MTCL1: variants seen among roughly 807,000 people sequenced by gnomAD.
The protein encoded by MTCL1 is microtubule cross-linking factor 1.
Under a neutral mutation model 141.4 loss-of-function variants are expected in MTCL1, and 79 were observed. The observed-to-expected ratio is 0.56, with a 90% CI of 0.47 to 0.67. The LOEUF is 0.67. MTCL1 is among the 30% of genes least tolerant of loss of function. The pLI, the probability that MTCL1 is intolerant of heterozygous loss-of-function variation, is 0.00. For synonymous variants in MTCL1, 914 were observed against 875.8 expected (o/e 1.04, Z -0.77); for missense variants, 2,177 against 2,113.9 (o/e 1.03, Z -0.59).
intron 4 of MTCL1, among the ~76,000 whole-genome samples, chr18:8,770,636 A>G (rs2096481608): frequency 6.6e-6 from 1 of 151,568 alleles, no homozygotes; most frequent in Non-Finnish European, 1.5e-5. Context: ...TCCACATAGG[A>G]ATTTGGGGAG....
At position 8,811,905 on chromosome 18, in the gene MTCL1, T is replaced by C. The variant is rs2076500714; in HGVS notation, c.2605-1074T>C. On this transcript the variant is annotated intron_variant, in intron 11 of 16. Transcript: ENST00000359865. The stretch of plus-strand genomic sequence containing the variant: ...AACGAGACACTGAACAGCAAGCTGT[T>C]GTGCAGTTTTAGTGTTTGCCCTAGG... 2.0e-5 allele frequency among the ~76,000 whole-genome samples: 3 copies of C among 152,260 alleles called. No homozygotes were observed. The South Asian group carries it at 6.2e-4, about 31-fold the overall frequency.
At chr18:8,765,330 GA>G (rs1378256333) in intron 4 of MTCL1, among the ~76,000 whole-genome samples, 1 of 152,232 alleles carries the variant, frequency 6.6e-6, no homozygotes, top group South Asian at 2.1e-4. Flanking sequence ...CTGCCCCAGT[GA>G]GCCCAAGGGG....
intron 4 of MTCL1, among the ~76,000 whole-genome samples, chr18:8,741,208 T>A (rs990196688): frequency 2.6e-5 from 4 of 152,190 alleles, no homozygotes; most frequent in Non-Finnish European, 5.9e-5. Context: ...TGAAGTTAGA[T>A]GTCTGGACTG....
intron 4 of MTCL1, among the ~76,000 whole-genome samples, chr18:8,763,387 C>G (rs561247345): frequency 3.3e-5 from 5 of 152,354 alleles, no homozygotes; most frequent in African/African-American, 1.2e-4. Flanking sequence ...AGAACAGAAT[C>G]TAAGTCTCTC....
At chr18:8,786,376 T>A in intron 7 of MTCL1, 1 of 641,598 alleles carries the variant, frequency 1.6e-6, no homozygotes, top group Non-Finnish European at 2.9e-6. Flanking sequence ...GGAAGTAGGC[T>A]GATTGGTGAG....
rs144941070 is a variant in MTCL1, at chr18:8,807,261, G to A, written c.2604+201G>A. 3.9e-5 allele frequency among the ~76,000 whole-genome samples: 6 copies of A among 152,184 alleles called. No individual in the cohort carries two copies. In the East Asian group the frequency reaches 5.8e-4, roughly 15 times the overall value. ...GTCCCCTCTCCCAAGTATGCAGTAC[G>A]GCCCCCACCAAGCAGCATTTTCAGA... is the stretch of plus-strand genomic sequence containing the variant. On this transcript the variant is annotated intron_variant, in intron 11 of 16. Coordinates refer to ENST00000359865, the Ensembl canonical transcript of MTCL1.
chr18:8,761,731 GAA>G (rs1045970185), intron 4 of MTCL1, among the ~76,000 whole-genome samples: 3 of 151,920 alleles, frequency 2.0e-5, no homozygotes, highest in Non-Finnish European at 4.4e-5. Flanking sequence ...GCAGACAAGA[GAA>G]GAGAGCTTGT....
At chr18:8,771,515 A>G (rs893557067) in intron 4 of MTCL1, among the ~76,000 whole-genome samples, 2 of 152,132 alleles carry the variant, frequency 1.3e-5, no homozygotes, top group African/African-American at 4.8e-5. Context: ...CCTAATTTTT[A>G]TTTGTCTCCT....
At chr18:8,832,115 A>T (rs999719185) in exon 17 of MTCL1, 19 of 324,736 alleles carry the variant, frequency 5.9e-5, no homozygotes, top group Non-Finnish European at 7.3e-5. Flanking sequence ...TAAAAGTTTT[A>T]AAAAATGTAC....
chr18:8,782,864 C>T (rs1027807270), intron 5 of MTCL1: 1 of 152,354 alleles, frequency 6.6e-6, no homozygotes, highest in African/African-American at 2.4e-5. Context: ...GCTCATACCT[C>T]ATGTTTTTGT....
At chr18:8,771,862 G>A (rs537690665) in intron 4 of MTCL1, among the ~76,000 whole-genome samples, 3 of 152,334 alleles carry the variant, frequency 2.0e-5, no homozygotes, top group East Asian at 1.9e-4. Context: ...ACCAGGCAAA[G>A]CCCCCACTGG....
chr18:8,730,386 A>C (rs368408823), intron 4 of MTCL1, among the ~76,000 whole-genome samples: 25 of 151,816 alleles, frequency 1.6e-4, no homozygotes, highest in African/African-American at 5.8e-4. Context: ...TATCATCTTT[A>C]TTTTTCCCTT....
chr18:8,720,273 C>T (rs2096160636), intron 3 of MTCL1, 65 bp from the exon 3 acceptor site: 2 of 1,537,902 alleles, frequency 1.3e-6, no homozygotes, highest in African/African-American at 2.7e-5. Context: ...CTGATGTTGT[C>T]TGATAGTACC....
chr18:8,816,459 C>T (rs2076658387), intron 12 of MTCL1, among the ~76,000 whole-genome samples: 1 of 152,204 alleles, frequency 6.6e-6, no homozygotes. Flanking sequence ...GGTCATATAA[C>T]ACATTTTATC....
At chr18:8,786,131 C>A (rs750294008) in intron 7 of MTCL1, 40 bp downstream of exon 6, 43 of 1,520,032 alleles carry the variant, frequency 2.8e-5, no homozygotes, top group Non-Finnish European at 2.4e-5. Flanking sequence ...CGCCCTCCCC[C>A]TCCTTTTTCT....
At chr18:8,804,073 T>C (rs1016538659) in intron 10 of MTCL1, among the ~76,000 whole-genome samples, 3 of 152,312 alleles carry the variant, frequency 2.0e-5, no homozygotes, top group Non-Finnish European at 2.9e-5. Context: ...TATTTTCTGC[T>C]TGAAATACTC....
intron 5 of MTCL1, among the ~76,000 whole-genome samples, chr18:8,780,303 G>A (rs148302086): frequency 3.9e-5 from 6 of 152,346 alleles, no homozygotes; most frequent in African/African-American, 7.2e-5. Context: ...GCACCATGCA[G>A]GCAACTCTGC....
At position 8,718,668 on chromosome 18, in the gene MTCL1, G is replaced by A. The variant is rs201830543; in HGVS notation, c.198+20G>A. ...TTGAAGGTGAGTGAGGGGGTGGTGC[G>A]TGCACCTCGCAAGGCTGCTGTGGAC... On this transcript the variant is annotated intron_variant, in intron 3 of 16. Coordinates refer to ENST00000359865, the Ensembl canonical transcript of MTCL1. 5.0e-4 allele frequency: 797 copies of A among 1,607,516 alleles called. 1 individual carries two copies. Among genetic ancestry groups the A allele is most frequent in the Non-Finnish European group, 6.0e-4 (701 of 1,175,798 alleles).
intron 13 of MTCL1, among the ~76,000 whole-genome samples, 197 bp downstream of exon 12, chr18:8,819,456 A>G (rs1191641703): frequency 6.6e-6 from 1 of 152,220 alleles, no homozygotes; most frequent in Non-Finnish European, 1.5e-5. Context: ...CTCTGCTGTC[A>G]GTTTAACTTT....
Sources: allele counts gnomAD v4.1 joint callset (sites outside exome capture counted in the v4.1 genomes callset), GRCh38; gene constraint gnomAD v4.1.1; transcripts MANE v1.5; gene names NCBI Gene and HGNC (gene_info 2026-07-23, HGNC 2026-07-21).